THEMIS: variants seen among roughly 807,000 people sequenced by gnomAD.
THEMIS encodes the protein protein THEMIS.
Under a neutral mutation model 52.6 loss-of-function variants are expected in THEMIS, and 37 were observed. That is an observed-to-expected ratio of 0.70 (90% CI 0.54 to 0.93). The LOEUF is 0.93. Among genes scored for constraint, THEMIS ranks in the 40% least tolerant of loss-of-function variants. The pLI is 0.00. For missense variants in THEMIS, 808 were observed against 763.1 expected (o/e 1.06, Z -0.69); for synonymous variants, 292 against 272.7 (o/e 1.07, Z -0.70).
chr6:127,702,495 T>C, the THEMIS span, among the ~76,000 whole-genome samples: 4 of 152,330 alleles, frequency 2.6e-5, no homozygotes, highest in South Asian at 8.3e-4. Flanking sequence ...TCTGCCTTCT[T>C]AAACTCTTCT....
At chr6:127,736,585 C>T (rs1304201068) in intron 4 of THEMIS, among the ~76,000 whole-genome samples, 1 of 152,084 alleles carries the variant, frequency 6.6e-6, no homozygotes, top group Non-Finnish European at 1.5e-5. Flanking sequence ...AGGTGACACC[C>T]AGCTCATAGA....
At chr6:127,697,006 C>T in the THEMIS span, among the ~76,000 whole-genome samples, 1 of 152,058 alleles carries the variant, frequency 6.6e-6, no homozygotes, top group East Asian at 1.9e-4. Context: ...CACATGCGCC[C>T]ACACACACAT....
intron 4 of THEMIS, among the ~76,000 whole-genome samples, chr6:127,734,479 C>G (rs114053861): frequency 1.4e-3 from 210 of 152,212 alleles, no homozygotes; most frequent in African/African-American, 4.7e-3. Flanking sequence ...ATGCTATTCT[C>G]TTGCTTTTTG....
At chr6:127,831,334 T>G (rs9398854) in intron 2 of THEMIS, among the ~76,000 whole-genome samples, 61,921 of 151,872 alleles carry the variant, frequency 0.41, 12,859 homozygotes, top group East Asian at 0.59. Context: ...AGAAATGCAT[T>G]TACTGAATAG....
chr6:127,726,148 G>A (rs1245354014), intron 4 of THEMIS, among the ~76,000 whole-genome samples: 1 of 152,238 alleles, frequency 6.6e-6, no homozygotes, highest in Non-Finnish European at 1.5e-5. Flanking sequence ...CCCAATAGTG[G>A]TTAACAAGAG....
At position 127,900,928 on chromosome 6, in the gene THEMIS, G is replaced by T. The variant is rs369740999; in HGVS notation, c.5C>A (p.Ala2Glu). M[A>E]LSLEEFVHSL... is the part of the protein sequence containing the mutation. Reference sequence around the variant, plus strand: ...GTGGACGAATTCTTCCAGTGATAATGCCATTGCTATGCCTTGGGTAGTTTG... The same window carrying T: ...GTGGACGAATTCTTCCAGTGATAATTCCATTGCTATGCCTTGGGTAGTTTG... The change falls in exon 1 of 6, where the codon GCA becomes GAA. Residue 2 changes from alanine (A) to glutamate (E), a missense_variant. Transcript: ENST00000368248. The T allele has an allele frequency of 3.7e-6, 6 of 1,612,590 alleles. No individual in the cohort carries two copies. Among genetic ancestry groups the T allele is most frequent in the Admixed American group, 3.3e-5 (2 of 59,866 alleles).
At chr6:127,842,524 A>AT (rs1031094261) in intron 2 of THEMIS, among the ~76,000 whole-genome samples, 11 of 151,984 alleles carry the variant, frequency 7.2e-5, no homozygotes, top group Non-Finnish European at 1.2e-4. Flanking sequence ...AATAAAAATG[A>AT]TTTTTTTAAG....
rs745806772 is a variant in THEMIS, at chr6:127,829,525, A to G, written c.660T>C (p.Tyr220=). Residue 220 remains tyrosine (Y), a synonymous_variant, in exon 3 of 6, where the codon TAT becomes TAC. Transcript: ENST00000368248. ...AAACAGGCTTGAGAATCAGGGTACCATAAAAGTCTTTAGGAAATGGATTCG... is the reference window on the plus strand; with the variant it reads ...AAACAGGCTTGAGAATCAGGGTACCGTAAAAGTCTTTAGGAAATGGATTCG... ...DSTNPFPKDF[Y]GTLILKPVYE... 1 of 1,613,116 alleles carries G rather than the reference A, an allele frequency of 6.2e-7. No individual in the cohort carries two copies. The highest frequency in any genetic ancestry group is 1.1e-5 in the South Asian group (1 of 90,872).
chr6:127,866,558 A>G (rs979769591), intron 1 of THEMIS, among the ~76,000 whole-genome samples: 1 of 152,024 alleles, frequency 6.6e-6, no homozygotes, highest in African/African-American at 2.4e-5. Context: ...TAAAGATTCT[A>G]AAAAATTAAA....
chr6:127,906,859 C>T (rs1781281721), intron 1 of THEMIS, among the ~76,000 whole-genome samples: 1 of 151,500 alleles, frequency 6.6e-6, no homozygotes, highest in African/African-American at 2.4e-5. Context: ...AAAAATGGCT[C>T]AAAGCAAACT....
At chr6:127,832,612 A>G (rs1778732140) in intron 2 of THEMIS, among the ~76,000 whole-genome samples, 1 of 152,094 alleles carries the variant, frequency 6.6e-6, no homozygotes, top group South Asian at 2.1e-4. Flanking sequence ...AAAGTGTACA[A>G]TCGTTTTATA....
Position 127,750,200 on chromosome 6 carries a change from T to C in THEMIS, c.1759-30377A>G, listed in dbSNP as rs112844492. ...AGAAGTGAGAAAAATTACTGATATT[T>C]CTACTCTAATTAATAACATATTCTG... On this transcript the variant is annotated intron_variant, in intron 4 of 5. Transcript: ENST00000368248. 1.1e-3 allele frequency among the ~76,000 whole-genome samples: 165 copies of C among 151,546 alleles called. 1 individual carries two copies. Among genetic ancestry groups the C allele is most frequent in the African/African-American group, 3.7e-3 (155 of 41,388 alleles).
chr6:127,824,965 AAAT>A (rs1439003638), intron 3 of THEMIS, among the ~76,000 whole-genome samples: 1 of 151,836 alleles, frequency 6.6e-6, no homozygotes, highest in Non-Finnish European at 1.5e-5. Flanking sequence ...AAACTAACTG[AAAT>A]ATTCTCAGAG....
At chr6:127,783,052 T>C (rs1278937689) in intron 4 of THEMIS, among the ~76,000 whole-genome samples, 1 of 151,976 alleles carries the variant, frequency 6.6e-6, no homozygotes, top group Non-Finnish European at 1.5e-5. Flanking sequence ...TATAGACCAA[T>C]GGAACAGAAC....
intron 1 of THEMIS, among the ~76,000 whole-genome samples, chr6:127,913,362 T>C (rs1459652676): frequency 2.6e-5 from 4 of 152,228 alleles, no homozygotes; most frequent in African/African-American, 7.2e-5. Context: ...TGCATGCTTT[T>C]TCCTTTGTTC....
intron 1 of THEMIS, among the ~76,000 whole-genome samples, chr6:127,894,838 G>A (rs1780915622): frequency 6.6e-6 from 1 of 151,170 alleles, no homozygotes; most frequent in South Asian, 2.1e-4. Context: ...ATTTTCGGAA[G>A]CTAATGTTAT....
chr6:127,883,411 C>T lies in THEMIS; in HGVS notation c.91+17431G>A, dbSNP rs563199573. Reference sequence around the variant, plus strand: ...TATCTTTATAAATATAATAAATTAACTAATTTAAATAAAAGTAAATATATA... The same window carrying T: ...TATCTTTATAAATATAATAAATTAATTAATTTAAATAAAAGTAAATATATA... On this transcript the variant is annotated intron_variant, in intron 1 of 5. Transcript: ENST00000368248. 3.3e-4 allele frequency among the ~76,000 whole-genome samples: 48 copies of T among 143,636 alleles called. 1 individual carries two copies. Among genetic ancestry groups the T allele is most frequent in the Non-Finnish European group, 5.0e-4 (34 of 67,660 alleles). 94.2% of individuals were successfully genotyped at this position (143,636 alleles called of 152,430 possible).
intron 1 of THEMIS, among the ~76,000 whole-genome samples, chr6:127,884,451 C>G (rs929352317): frequency 1.3e-5 from 2 of 152,112 alleles, no homozygotes; most frequent in African/African-American, 4.8e-5. Context: ...TAGGCACCCC[C>G]TCTTTTAGTT....
chr6:127,743,885 C>T (rs79149034), intron 4 of THEMIS, among the ~76,000 whole-genome samples: 2,658 of 151,974 alleles, frequency 0.017, 82 homozygotes, highest in African/African-American at 0.061. Context: ...GGTTAAAGTG[C>T]GACTCACTAA....
Sources: gnomAD v4.1 joint callset for allele counts (sites outside exome capture counted in the v4.1 genomes callset) on GRCh38, gnomAD v4.1.1 for gene constraint, MANE v1.5 for transcripts, NCBI Gene and HGNC (gene_info 2026-07-23, HGNC 2026-07-21) for gene names.